The following ZNF704 variants were observed in gnomAD, a reference collection of about 807,000 sequenced individuals.
ZNF704 encodes the protein glucocorticoid induced gene 1.
Under a neutral mutation model 44.7 loss-of-function variants are expected in ZNF704, and 10 were observed. The observed-to-expected ratio is 0.22, with a 90% CI of 0.14 to 0.38. ZNF704 has a LOEUF of 0.38. ZNF704 is among the 10% of genes least tolerant of loss of function. The pLI is 1.00. For missense variants in ZNF704, 390 were observed against 545.5 expected, an observed-to-expected ratio of 0.71 and a Z score of 2.84; for synonymous variants, 211 against 207.6, an observed-to-expected ratio of 1.02 and a Z score of -0.14.
At chr8:80,872,676 G>A (rs1809272911) in intron 1 of ZNF704, among the ~76,000 whole-genome samples, 1 of 152,120 alleles carries the variant, frequency 6.6e-6, no homozygotes, top group Non-Finnish European at 1.5e-5. Flanking sequence ...TTGTCCAATA[G>A]CATGCCTGAA....
At chr8:80,722,564 G>A (rs1396655885) in intron 2 of ZNF704, among the ~76,000 whole-genome samples, 7 of 152,200 alleles carry the variant, frequency 4.6e-5, no homozygotes, top group Non-Finnish European at 1.0e-4. Flanking sequence ...AAAAGCAAAA[G>A]AAGTACATAA....
chr8:80,813,758 A>C (rs776862810), intron 2 of ZNF704, among the ~76,000 whole-genome samples: 4 of 152,152 alleles, frequency 2.6e-5, no homozygotes, highest in Non-Finnish European at 5.9e-5. Flanking sequence ...GGGCGCCTGT[A>C]GTCCCAGCTA....
chr8:80,755,131 A>T (rs1184805092), intron 2 of ZNF704, among the ~76,000 whole-genome samples: 3 of 152,156 alleles, frequency 2.0e-5, no homozygotes, highest in Non-Finnish European at 4.4e-5. Flanking sequence ...TCCAGGATAT[A>T]TCCAGGATCT....
intron 2 of ZNF704, among the ~76,000 whole-genome samples, chr8:80,769,848 T>C (rs1807289907): frequency 6.6e-6 from 1 of 152,130 alleles, no homozygotes; most frequent in Admixed American, 6.5e-5. Context: ...ACTCTACTGG[T>C]ACCAATTTAC....
chr8:80,778,663 A>G (rs561388890), intron 2 of ZNF704, among the ~76,000 whole-genome samples: 1 of 152,312 alleles, frequency 6.6e-6, no homozygotes, highest in African/African-American at 2.4e-5. Flanking sequence ...CCATCACGGA[A>G]TACTATGCAG....
intron 2 of ZNF704, among the ~76,000 whole-genome samples, chr8:80,711,715 A>T (rs972458013): frequency 2.0e-5 from 3 of 152,206 alleles, no homozygotes; most frequent in African/African-American, 7.2e-5. Flanking sequence ...TGCTGGAGAA[A>T]TTAAAAGGGT....
intron 1 of ZNF704, among the ~76,000 whole-genome samples, chr8:80,842,240 T>G (rs1808693111): frequency 6.6e-6 from 1 of 152,210 alleles, no homozygotes; most frequent in South Asian, 2.1e-4. Flanking sequence ...GGAGAAGTTT[T>G]TAACCTCTCT....
At chr8:80,883,245 C>CAAAAAA in the ZNF704 span, among the ~76,000 whole-genome samples, 7 of 83,426 alleles carry the variant, frequency 8.4e-5, no homozygotes, top group Admixed American at 1.4e-4. Context: ...GACACCCTCT[C>CAAAAAA]AAAAAAAAAA....
At position 80,853,323 on chromosome 8, in the gene ZNF704, G is replaced by T. The variant is rs868752693; in HGVS notation, c.-22+21248C>A. On this transcript the variant is annotated intron_variant, in intron 1 of 8. Coordinates refer to ENST00000327835, the MANE Select transcript of ZNF704 (RefSeq NM_001033723.3). Reference sequence around the variant, plus strand: ...GTCAAGGGTGCAGTGAGCCACGTTTGCACCACTGCACTCCAGCCTGGGCTA... The same window carrying T: ...GTCAAGGGTGCAGTGAGCCACGTTTTCACCACTGCACTCCAGCCTGGGCTA... Among the ~76,000 whole-genome samples, 3 of 152,192 alleles carry T rather than the reference G, an allele frequency of 2.0e-5. No individual in the cohort carries two copies. The South Asian group carries it at 6.2e-4, about 31-fold the overall frequency.
intron 7 of ZNF704, among the ~76,000 whole-genome samples, chr8:80,656,750 T>G (rs939940439): frequency 1.3e-5 from 2 of 152,194 alleles, no homozygotes; most frequent in Non-Finnish European, 1.5e-5. Flanking sequence ...TGTACAAAAG[T>G]ATCCCTCTTC....
At chr8:80,751,241 G>T (rs1428478862) in intron 2 of ZNF704, among the ~76,000 whole-genome samples, 1 of 152,080 alleles carries the variant, frequency 6.6e-6, no homozygotes, top group Non-Finnish European at 1.5e-5. Context: ...CCTGACCAAA[G>T]AATGACTCCC....
In ZNF704 at chr8:80,649,340, C is replaced by T. The variant is rs146667877; in HGVS notation, c.1033-6211G>A. ...GTGCACGACAGTGGGTGCAGCACACCGAGTGTGAGCCGAAGCAGGATGAGG... is the reference window on the plus strand; with the variant it reads ...GTGCACGACAGTGGGTGCAGCACACTGAGTGTGAGCCGAAGCAGGATGAGG... On this transcript the variant is annotated intron_variant, in intron 7 of 8. Transcript: ENST00000327835. 1.6e-4 allele frequency among the ~76,000 whole-genome samples: 25 copies of T among 152,182 alleles called. 1 individual carries two copies. The highest frequency in any genetic ancestry group is 7.7e-4 in the East Asian group (4 of 5,182).
At chr8:80,847,193 TATAAA>T (rs1196414686) in intron 1 of ZNF704, among the ~76,000 whole-genome samples, 3 of 151,668 alleles carry the variant, frequency 2.0e-5, no homozygotes, top group East Asian at 1.9e-4. Context: ...TAAAATAAAA[TATAAA>T]ATAAAATAAA....
At chr8:80,781,695 AC>A (rs1368907940) in intron 2 of ZNF704, among the ~76,000 whole-genome samples, 1 of 152,176 alleles carries the variant, frequency 6.6e-6, no homozygotes, top group African/African-American at 2.4e-5. Context: ...CTCTTCTAAA[AC>A]AGCAGCCCAT....
At chr8:80,672,699 G>C (rs1818301324) in intron 4 of ZNF704, among the ~76,000 whole-genome samples, 2 of 152,192 alleles carry the variant, frequency 1.3e-5, no homozygotes, top group South Asian at 4.1e-4. Context: ...TTCTAAGTGG[G>C]AGCTAAACGA....
intron 1 of ZNF704, among the ~76,000 whole-genome samples, chr8:80,830,722 G>A (rs1281273037): frequency 6.8e-6 from 1 of 148,044 alleles, no homozygotes; most frequent in African/African-American, 2.5e-5. Context: ...GGAAACCAGA[G>A]TAACTATTGA....
At chr8:80,856,600 A>G (rs1250150678) in intron 1 of ZNF704, among the ~76,000 whole-genome samples, 2 of 152,126 alleles carry the variant, frequency 1.3e-5, no homozygotes, top group African/African-American at 2.4e-5. Context: ...TCTTCCTTCC[A>G]GATGAATAGT....
At chr8:80,744,613 G>A (rs777930281) in intron 2 of ZNF704, among the ~76,000 whole-genome samples, 46 of 152,264 alleles carry the variant, frequency 3.0e-4, no homozygotes, top group Admixed American at 7.8e-4. Context: ...GCAAATTAGT[G>A]CATGACATCT....
At chr8:80,818,153 T>C (rs990579072) in intron 2 of ZNF704, among the ~76,000 whole-genome samples, 1 of 152,194 alleles carries the variant, frequency 6.6e-6, no homozygotes, top group East Asian at 1.9e-4. Flanking sequence ...AAAATAAACT[T>C]TGAGTTTCAT....
Sources: gnomAD v4.1 joint callset for allele counts (sites outside exome capture counted in the v4.1 genomes callset) on GRCh38, gnomAD v4.1.1 for gene constraint, MANE v1.5 for transcripts, NCBI Gene and HGNC (gene_info 2026-07-23, HGNC 2026-07-21) for gene names.